The following CEP128 variants were observed in gnomAD, a reference collection of about 807,000 sequenced individuals.
CEP128 encodes centrosomal protein 128.
In CEP128, 132 loss-of-function variants were observed where a neutral mutation model predicts 156.7. The observed-to-expected ratio is 0.84, with a 90% CI of 0.73 to 0.97. CEP128 has a LOEUF of 0.97. Ranked by LOEUF, CEP128 falls within the 50% of genes least tolerant of loss-of-function variation. The pLI is 0.00. For synonymous variants in CEP128, 469 were observed against 448.9 expected (o/e 1.04, Z -0.57); for missense variants, 1,252 against 1,281.9 (o/e 0.98, Z 0.36).
At chr14:80,634,730 C>T (rs1894110786) in intron 19 of CEP128, among the ~76,000 whole-genome samples, 1 of 152,160 alleles carries the variant, frequency 6.6e-6, no homozygotes, top group Non-Finnish European at 1.5e-5. Flanking sequence ...AATTGTCACT[C>T]ACATGTCTTT....
At chr14:80,668,596 T>A (rs574339827) in intron 19 of CEP128, among the ~76,000 whole-genome samples, 17 of 151,666 alleles carry the variant, frequency 1.1e-4, no homozygotes, top group Non-Finnish European at 2.4e-4. Context: ...ACATTAGGAG[T>A]CCCTGAGGAA....
At chr14:80,934,947 A>G (rs974086663) in intron 2 of CEP128, among the ~76,000 whole-genome samples, 1 of 152,186 alleles carries the variant, frequency 6.6e-6, no homozygotes, top group Non-Finnish European at 1.5e-5. Flanking sequence ...ACAGTTTCCT[A>G]TGGACTAATT....
intron 23 of CEP128, chr14:80,514,707 G>C (rs564127557): frequency 1.9e-5 from 8 of 413,514 alleles, no homozygotes; most frequent in African/African-American, 1.6e-4. Context: ...TGTCACTCCA[G>C]TATCAGTCTC....
chr14:80,503,910 T>C (rs1209689603), intron 24 of CEP128, among the ~76,000 whole-genome samples: 3 of 152,194 alleles, frequency 2.0e-5, no homozygotes, highest in Non-Finnish European at 4.4e-5. Context: ...TAAATATTTA[T>C]TCAATGAATC....
intron 21 of CEP128, among the ~76,000 whole-genome samples, chr14:80,558,624 CGTTGGCCAGGCTG>C (rs1890541400): frequency 6.6e-6 from 1 of 151,342 alleles, no homozygotes; most frequent in Non-Finnish European, 1.5e-5. Context: ...GGTTTTACCA[CGTTGGCCAGGCTG>C]GTCTCGAACT....
intron 13 of CEP128, among the ~76,000 whole-genome samples, chr14:80,800,969 A>C (rs1319152334): frequency 6.6e-6 from 1 of 152,236 alleles, no homozygotes. Context: ...TGTGAAGAAG[A>C]GAAAAGATTG....
intron 13 of CEP128, among the ~76,000 whole-genome samples, chr14:80,793,400 G>A (rs543537948): frequency 7.2e-5 from 11 of 152,236 alleles, no homozygotes; most frequent in Non-Finnish European, 1.2e-4. Flanking sequence ...CTTTTGAAGC[G>A]AACAATGTGC....
At chr14:80,592,821 C>A (rs1892137722) in intron 19 of CEP128, among the ~76,000 whole-genome samples, 1 of 152,142 alleles carries the variant, frequency 6.6e-6, no homozygotes, top group Non-Finnish European at 1.5e-5. Flanking sequence ...TCGGCTTCAA[C>A]CCTGGGATGC....
intron 19 of CEP128, among the ~76,000 whole-genome samples, chr14:80,738,486 T>C (rs1898647575): frequency 1.3e-5 from 2 of 152,074 alleles, no homozygotes; most frequent in Non-Finnish European, 2.9e-5. Flanking sequence ...TAGATTAAAA[T>C]CAGATTTTTA....
intron 23 of CEP128, among the ~76,000 whole-genome samples, chr14:80,510,634 A>T (rs1412882349): frequency 1.3e-5 from 2 of 152,032 alleles, no homozygotes; most frequent in African/African-American, 4.8e-5. Flanking sequence ...TTCCAAGGCT[A>T]TGTTTAATAG....
chr14:80,573,262 C>T (rs1891224171), intron 20 of CEP128, among the ~76,000 whole-genome samples: 1 of 152,074 alleles, frequency 6.6e-6, no homozygotes, highest in Non-Finnish European at 1.5e-5. Flanking sequence ...CTTTCTGTCA[C>T]AGAGAAATAT....
chr14:80,626,369 CAGG>C (rs1490509879), intron 19 of CEP128, among the ~76,000 whole-genome samples: 2 of 148,486 alleles, frequency 1.3e-5, no homozygotes, highest in Non-Finnish European at 3.0e-5. Context: ...GAGGCTGAGG[CAGG>C]AGAATGGCGT....
intron 21 of CEP128, among the ~76,000 whole-genome samples, chr14:80,535,595 G>A (rs767628841): frequency 2.4e-4 from 36 of 150,118 alleles, no homozygotes; most frequent in Admixed American, 5.9e-4. Context: ...GCACACACGC[G>A]CACGCATACA....
chr14:80,671,353 G>A (rs1056914343), intron 19 of CEP128, among the ~76,000 whole-genome samples: 2 of 152,106 alleles, frequency 1.3e-5, no homozygotes, highest in Non-Finnish European at 2.9e-5. Flanking sequence ...AAAAGGCCTT[G>A]GATTGTAGGT....
intron 21 of CEP128, among the ~76,000 whole-genome samples, chr14:80,549,109 C>A (rs941416583): frequency 6.6e-6 from 1 of 152,102 alleles, no homozygotes; most frequent in Non-Finnish European, 1.5e-5. Context: ...AGAATACAGG[C>A]TGTGTATTTT....
intron 19 of CEP128, among the ~76,000 whole-genome samples, chr14:80,584,527 C>T (rs1566793915): frequency 6.6e-6 from 1 of 152,126 alleles, no homozygotes; most frequent in Non-Finnish European, 1.5e-5. Flanking sequence ...AAATTGCTCA[C>T]TCCACCCACA....
At chr14:80,536,623 G>C (rs1889496157) in intron 21 of CEP128, among the ~76,000 whole-genome samples, 1 of 152,182 alleles carries the variant, frequency 6.6e-6, no homozygotes. Context: ...GAAATGGATA[G>C]ACTGTATGCC....
At chr14:80,500,154 T>C (rs1298837533) in intron 24 of CEP128, among the ~76,000 whole-genome samples, 4 of 152,242 alleles carry the variant, frequency 2.6e-5, no homozygotes, top group Non-Finnish European at 4.4e-5. Context: ...CTTTCATTAA[T>C]GCTGGATCAC....
chr14:80,538,518 T>A (rs532363998), intron 21 of CEP128, among the ~76,000 whole-genome samples: 3 of 152,348 alleles, frequency 2.0e-5, no homozygotes, highest in African/African-American at 7.2e-5. Context: ...CTCACCCGTA[T>A]ACCCACCACC....
Sources: allele counts gnomAD v4.1 joint callset (sites outside exome capture counted in the v4.1 genomes callset), GRCh38; gene constraint gnomAD v4.1.1; transcripts MANE v1.5; gene names NCBI Gene and HGNC (gene_info 2026-07-23, HGNC 2026-07-21).